Variants in LRIG3 observed in about 807,000 individuals in gnomAD.
LRIG3 encodes leucine rich repeats and immunoglobulin like domains 3.
In LRIG3, 76 loss-of-function variants were observed where a neutral mutation model predicts 114.5. The ratio of observed to expected loss-of-function variants is 0.66; its 90% CI spans 0.55 to 0.80. The LOEUF (loss-of-function observed/expected upper bound fraction) is 0.80. Ranked by LOEUF, LRIG3 falls within the 30% of genes least tolerant of loss-of-function variation. LRIG3 has a pLI of 0.00. For synonymous variants in LRIG3, 512 were observed against 519.8 expected, an observed-to-expected ratio of 0.98 and a Z score of 0.20; for missense variants, 1,239 against 1,382.8, an observed-to-expected ratio of 0.90 and a Z score of 1.65.
intron 3 of LRIG3, among the ~76,000 whole-genome samples, chr12:58,909,435 T>TCATTTATTTTTCTCTC (rs1427329870): frequency 3.9e-5 from 6 of 152,204 alleles, no homozygotes; most frequent in Non-Finnish European, 7.3e-5. Context: ...TTTCTTTTCT[T>TCATTTATTTTTCTCTC]CATTTATTTT....
chr12:58,877,451 T>A lies in LRIG3; in HGVS notation c.2485A>T (p.Ile829Phe), dbSNP rs1366546315. Residue 829 changes from isoleucine (I) to phenylalanine (F), a missense_variant, in exon 15 of 19, where the codon ATC becomes TTC. Coordinates refer to ENST00000320743, the MANE Select transcript of LRIG3 (RefSeq NM_153377.5). ...TTCCTCCGCCTTGTGTGGTATATGA[T>A]GACCACCCACACGAGTGACGTGCCC... Reference protein sequence around the residue: ...VVGTSLVWVVIIYHTRRRNED... With the variant: ...VVGTSLVWVVFIYHTRRRNED... 11 of 1,614,044 alleles carry A rather than the reference T, an allele frequency of 6.8e-6. No homozygotes were observed. The highest frequency in any genetic ancestry group is 9.3e-6 in the Non-Finnish European group (11 of 1,180,020).
At chr12:58,887,723 G>A (rs1255683490) in intron 8 of LRIG3, 66 bp downstream of exon 8, 1 of 1,543,640 alleles carries the variant, frequency 6.5e-7, no homozygotes, top group African/African-American at 1.4e-5. Flanking sequence ...AAATCTGCTA[G>A]GAGAAAAGTG....
At chr12:58,912,328 C>T (rs991000238) in intron 3 of LRIG3, among the ~76,000 whole-genome samples, 1 of 152,102 alleles carries the variant, frequency 6.6e-6, no homozygotes, top group Admixed American at 6.5e-5. Flanking sequence ...AACCCCCTCT[C>T]TACTAAAAAT....
intron 14 of LRIG3, 41 bp downstream of exon 14, chr12:58,878,783 A>T (rs1299362196): frequency 6.3e-7 from 1 of 1,580,804 alleles, no homozygotes; most frequent in Non-Finnish European, 8.6e-7. Flanking sequence ...TAGTATCTTC[A>T]AGACTGATTT....
intron 14 of LRIG3, 102 bp downstream of exon 14, chr12:58,878,722 T>G (rs980657357): frequency 1.5e-6 from 2 of 1,348,304 alleles, no homozygotes; most frequent in African/African-American, 2.9e-5. Context: ...GCCCCATACA[T>G]CTTCATCTCT....
At chr12:58,880,952 C>T in intron 12 of LRIG3, 51 bp from the exon 13 acceptor site, 13 of 1,521,762 alleles carry the variant, frequency 8.5e-6, no homozygotes, top group Non-Finnish European at 1.2e-5. Flanking sequence ...CTCAAGAGTC[C>T]AAATACTACT....
intron 13 of LRIG3, 126 bp from the exon 14 acceptor site, chr12:58,879,231 G>A (rs946504254): frequency 1.3e-5 from 15 of 1,116,908 alleles, no homozygotes; most frequent in Non-Finnish European, 1.9e-5. Context: ...TTGGGCAGGG[G>A]TTAATTCCAA....
At chr12:58,913,058 T>G (rs946386360) in intron 3 of LRIG3, among the ~76,000 whole-genome samples, 1 of 152,102 alleles carries the variant, frequency 6.6e-6, no homozygotes, top group Non-Finnish European at 1.5e-5. Context: ...AAAACAAACC[T>G]CTATAAATCA....
intron 1 of LRIG3, among the ~76,000 whole-genome samples, chr12:58,917,152 G>A (rs1013260001): frequency 2.0e-5 from 3 of 151,718 alleles, no homozygotes; most frequent in Non-Finnish European, 2.9e-5. Context: ...ACTGTGGTCC[G>A]GACCATAAGA....
intron 3 of LRIG3, among the ~76,000 whole-genome samples, chr12:58,894,378 A>G (rs1871564409): frequency 6.6e-6 from 1 of 152,226 alleles, no homozygotes; most frequent in Non-Finnish European, 1.5e-5. Context: ...TAGCTCTCAG[A>G]CTAACTGGCA....
At position 58,919,561 on chromosome 12, in the gene LRIG3, A is replaced by G. The variant is rs566692431; in HGVS notation, c.236+439T>C. 5 of 1,547,000 alleles carry G rather than the reference A, an allele frequency of 3.2e-6. No individual in the cohort carries two copies. In the East Asian group the frequency reaches 9.8e-5, roughly 30 times the overall value. ...ACTTCAGTTACTGGGTGGGAACAGG[A>G]AAAGGAGTCTGACGCAGCTAGAAAC... is the stretch of plus-strand genomic sequence containing the variant. On this transcript the variant is annotated intron_variant, in intron 1 of 18. Transcript: ENST00000320743.
chr12:58,880,501 T>G (rs1871090014), intron 13 of LRIG3, 80 bp downstream of exon 13: 1 of 1,380,188 alleles, frequency 7.2e-7, no homozygotes, highest in South Asian at 1.2e-5. Flanking sequence ...AAGACAGGGT[T>G]AAGATTAAGA....
At chr12:58,911,474 C>G (rs1184714011) in intron 3 of LRIG3, among the ~76,000 whole-genome samples, 1 of 152,146 alleles carries the variant, frequency 6.6e-6, no homozygotes, top group African/African-American at 2.4e-5. Context: ...AGCTTTCAAA[C>G]TATTTAACCT....
intron 3 of LRIG3, among the ~76,000 whole-genome samples, chr12:58,894,368 T>C (rs1404472516): frequency 6.6e-6 from 1 of 152,192 alleles, no homozygotes; most frequent in Non-Finnish European, 1.5e-5. Context: ...CGTTTCTTAT[T>C]AGCTCTCAGA....
Position 58,882,881 on chromosome 12 carries a change from C to T in LRIG3, c.1468G>A (p.Gly490Ser), listed in dbSNP as rs772628434. 1.2e-6 allele frequency: 2 copies of T among 1,613,504 alleles called. No homozygotes were observed. The highest frequency in any genetic ancestry group is 1.7e-5 in the Admixed American group (1 of 59,894). Residue 490 changes from glycine (G) to serine (S), a missense_variant, in exon 12 of 19, where the codon GGC becomes AGC. Gly to Ser is a moderately conservative substitution (Grantham distance 56). Transcript: ENST00000320743. Reference protein sequence around the residue: ...GRSIFAVSPDGFVCDDFPKPQ... With the variant: ...GRSIFAVSPDSFVCDDFPKPQ... ...TACTTATACTCACCACACACAAAGC[C>T]ATCTGGGCTAACAGCAAAAATGCTT...
rs1244992048 is a variant in LRIG3 at position 58,888,239 on chromosome 12, T to C, written c.947+90A>G. On this transcript the variant is annotated intron_variant, in intron 7 of 18. Coordinates refer to ENST00000320743, the MANE Select transcript of LRIG3 (RefSeq NM_153377.5). The stretch of plus-strand genomic sequence containing the variant: ...AGCTGTCACCTTGGAAACTTTGTTA[T>C]GAAAATTTCACAGATCAGTGGTAAG... 6.9e-6 allele frequency: 10 copies of C among 1,454,510 alleles called. No homozygotes were observed. In the East Asian group the frequency reaches 9.2e-5, roughly 13 times the overall value. 90.1% of individuals were successfully genotyped at this position (1,454,510 alleles called of 1,614,324 possible).
At chr12:58,900,136 C>T (rs916333253) in intron 3 of LRIG3, among the ~76,000 whole-genome samples, 1 of 152,140 alleles carries the variant, frequency 6.6e-6, no homozygotes, top group Non-Finnish European at 1.5e-5. Flanking sequence ...AAGGTAGTTA[C>T]TGGGCTGAGT....
rs374580006 is a variant in LRIG3, at chr12:58,880,854, C to T, written c.1528G>A (p.Ala510Thr). 59 of 1,613,894 alleles carry T rather than the reference C, an allele frequency of 3.7e-5. No homozygotes were observed. The highest frequency in any genetic ancestry group is 5.0e-5 in the Non-Finnish European group (59 of 1,179,932). ...AAACTCAAATTGGAACCTTTTATTG[C>T]CGACTGTGTTTCTGGCTGAACCGTG... is the stretch of plus-strand genomic sequence containing the variant. ...QITVQPETQS[A>T]IKGSNLSFIC... The change falls in exon 13 of 19, where the codon GCA becomes ACA. Residue 510 changes from alanine (A) to threonine (T), a missense_variant. Coordinates refer to ENST00000320743, the MANE Select transcript of LRIG3 (RefSeq NM_153377.5).
Position 58,886,807 on chromosome 12 carries a change from C to A in LRIG3, c.1172+3G>T. The A allele has an allele frequency of 6.2e-7, 1 of 1,612,574 alleles. No individual in the cohort carries two copies. The highest frequency in any genetic ancestry group is 2.2e-5 in the East Asian group (1 of 44,850). ...GCTAAATTATGAGGCAATTCATACT[C>A]ACAGTCGCCTCAGTTTGTCAAGCCC... On this transcript the variant is annotated splice_donor_region_variant and intron_variant, in intron 9 of 18. Transcript: ENST00000320743.
Sources: allele counts gnomAD v4.1 joint callset (sites outside exome capture counted in the v4.1 genomes callset), GRCh38; gene constraint gnomAD v4.1.1; transcripts MANE v1.5; gene names NCBI Gene and HGNC (gene_info 2026-07-23, HGNC 2026-07-21).